Variants in TTC6 observed in about 807,000 individuals in gnomAD.
TTC6 encodes tetratricopeptide repeat protein 6.
Under a neutral mutation model 210.4 loss-of-function variants are expected in TTC6, and 172 were observed. The ratio of observed to expected loss-of-function variants is 0.82; its 90% CI spans 0.72 to 0.93. The LOEUF (loss-of-function observed/expected upper bound fraction) is 0.93, where lower values mean the gene tolerates loss of function less well. Among genes scored for constraint, TTC6 ranks in the 40% least tolerant of loss-of-function variants. The pLI, the probability that TTC6 is intolerant of heterozygous loss-of-function variation, is 0.00. For missense variants in TTC6, 2,414 were observed against 2,318.1 expected (o/e 1.04, Z -0.85); for synonymous variants, 804 against 819.6 (o/e 0.98, Z 0.32).
chr14:37,826,986 GTTT>G (rs1280074885), intron 28 of TTC6, among the ~76,000 whole-genome samples: 8 of 152,120 alleles, frequency 5.3e-5, no homozygotes, highest in Non-Finnish European at 1.0e-4. Flanking sequence ...AAGATTATTT[GTTT>G]TATTGCAACC....
chr14:37,729,509 G>A (rs1244321616), intron 7 of TTC6, among the ~76,000 whole-genome samples: 2 of 152,194 alleles, frequency 1.3e-5, no homozygotes, highest in Non-Finnish European at 2.9e-5. Context: ...CTGAGCACAA[G>A]GTGGTTGCTA....
upstream of TTC6, among the ~76,000 whole-genome samples, chr14:37,620,588 T>C (rs530145408): frequency 7.9e-5 from 12 of 152,326 alleles, no homozygotes; most frequent in Admixed American, 2.6e-4. Context: ...CCTGGCTTTG[T>C]GTAATGATCT....
chr14:37,614,556 T>C (rs2095639565), intron 2 of TTC6, among the ~76,000 whole-genome samples: 1 of 152,186 alleles, frequency 6.6e-6, no homozygotes, highest in Non-Finnish European at 1.5e-5. Context: ...AAGATTTAAA[T>C]TTCCTTCTGG....
rs996537022 is a variant in TTC6, at chr14:37,622,905, A to G, written c.841A>G (p.Ile281Val). The G allele has an allele frequency of 1.2e-5, 19 of 1,534,990 alleles. No homozygotes were observed. The African/African-American group carries it at 2.5e-4, about 20-fold the overall frequency. ...GATCCCCACGTCCATCGAAGAGATC[A>G]TCGCCTCTCTGCAGTCCGAGGCCCA... The change falls in exon 1 of 31, where the codon ATC (isoleucine) becomes GTC (valine). Residue 281 changes from isoleucine (I) to valine (V), a missense_variant. Coordinates refer to ENST00000553443, the Ensembl canonical transcript of TTC6.
chr14:37,629,632 T>C (rs1191164051), intron 1 of TTC6, among the ~76,000 whole-genome samples: 1 of 152,192 alleles, frequency 6.6e-6, no homozygotes, highest in Non-Finnish European at 1.5e-5. Context: ...GGCCAGAACT[T>C]CCAATACTAT....
At chr14:37,646,483 A>C (rs2095701977) in intron 1 of TTC6, among the ~76,000 whole-genome samples, 1 of 152,320 alleles carries the variant, frequency 6.6e-6, no homozygotes, top group South Asian at 2.1e-4. Context: ...AAAAGAAAGT[A>C]ATACAAGAAG....
At chr14:37,712,361 A>G (rs1410265532) in intron 5 of TTC6, among the ~76,000 whole-genome samples, 1 of 152,140 alleles carries the variant, frequency 6.6e-6, no homozygotes. Context: ...TATCTTAGAA[A>G]TACTTATTGA....
At chr14:37,788,743 A>G (rs529808911) in intron 15 of TTC6, among the ~76,000 whole-genome samples, 3 of 152,270 alleles carry the variant, frequency 2.0e-5, no homozygotes, top group East Asian at 1.9e-4. Flanking sequence ...TGTAACATCA[A>G]CACAAACCTG....
chr14:37,721,888 A>G (rs2095862620), intron 6 of TTC6, among the ~76,000 whole-genome samples: 1 of 143,540 alleles, frequency 7.0e-6, no homozygotes, highest in South Asian at 2.2e-4. Flanking sequence ...GTATATATAC[A>G]CACACACATA....
chr14:37,828,642 C>G lies in TTC6; in HGVS notation c.5298+1276C>G, dbSNP rs551085235. On this transcript the variant is annotated intron_variant, in intron 29 of 30. Coordinates refer to ENST00000553443, the Ensembl canonical transcript of TTC6. ...TTGACTAAAGAATAAATTAACAGAG[C>G]ATTTAACCAGATGGAAGGACATTTA... Among the ~76,000 whole-genome samples, 3 of 152,128 alleles carry G rather than the reference C, an allele frequency of 2.0e-5. No individual in the cohort carries two copies. In the South Asian group the frequency reaches 6.2e-4, roughly 31 times the overall value.
At chr14:37,632,846 G>A (rs1213921469) in intron 1 of TTC6, among the ~76,000 whole-genome samples, 3 of 152,220 alleles carry the variant, frequency 2.0e-5, no homozygotes, top group African/African-American at 7.2e-5. Context: ...AGGCAGTCTG[G>A]CTACAGCCAA....
chr14:37,779,537 T>G (rs2096048250), intron 14 of TTC6, among the ~76,000 whole-genome samples: 1 of 152,238 alleles, frequency 6.6e-6, no homozygotes, highest in South Asian at 2.1e-4. Context: ...AGCATTTGAC[T>G]ACTTTTTAAA....
At chr14:37,653,844 C>T (rs1386496829) in intron 1 of TTC6, among the ~76,000 whole-genome samples, 2 of 152,098 alleles carry the variant, frequency 1.3e-5, no homozygotes, top group Non-Finnish European at 2.9e-5. Flanking sequence ...TTAAGGTACA[C>T]CTTTTTTATT....
exon 22 of TTC6, chr14:37,806,494 A>C: frequency 5.9e-6 from 9 of 1,531,822 alleles, no homozygotes; most frequent in Non-Finnish European, 7.9e-6. Flanking sequence ...ATTACCCTCA[A>C]TCCAAAACAT....
chr14:37,721,942 T>A lies in TTC6; in HGVS notation c.1714-2956T>A, dbSNP rs575866335. Reference sequence around the variant, plus strand: ...TATATATATATACATATATATATATTTTTTCCCCCTCAGTGCAAATGTTAA... The same window carrying A: ...TATATATATATACATATATATATATATTTTCCCCCTCAGTGCAAATGTTAA... On this transcript the variant is annotated intron_variant, in intron 6 of 30. Transcript: ENST00000553443. Among the ~76,000 whole-genome samples the A allele has an allele frequency of 5.5e-5, 8 of 146,028 alleles. No homozygotes were observed. In the East Asian group the frequency reaches 6.0e-4, roughly 11 times the overall value.
chr14:37,750,381 G>A (rs2095948169), intron 12 of TTC6, among the ~76,000 whole-genome samples: 1 of 152,092 alleles, frequency 6.6e-6, no homozygotes, highest in Non-Finnish European at 1.5e-5. Context: ...AATGATTTTT[G>A]ACCTGTGTTG....
intron 14 of TTC6, among the ~76,000 whole-genome samples, chr14:37,772,126 G>T (rs1326909021): frequency 6.6e-6 from 1 of 152,162 alleles, no homozygotes; most frequent in Non-Finnish European, 1.5e-5. Context: ...GGGGATCAGG[G>T]GTCAGGGACC....
intron 14 of TTC6, among the ~76,000 whole-genome samples, chr14:37,759,144 T>C (rs1377174378): frequency 6.6e-6 from 1 of 151,406 alleles, no homozygotes; most frequent in Non-Finnish European, 1.5e-5. Flanking sequence ...ATGCCTATAG[T>C]CCCAGGTACT....
At chr14:37,751,730 A>C (rs374086955) in intron 13 of TTC6, among the ~76,000 whole-genome samples, 1 of 151,648 alleles carries the variant, frequency 6.6e-6, no homozygotes. Context: ...ATATTAAGGC[A>C]TTGTTACAAA....
Sources: gnomAD v4.1 joint callset for allele counts (sites outside exome capture counted in the v4.1 genomes callset) on GRCh38, gnomAD v4.1.1 for gene constraint, MANE v1.5 for transcripts, NCBI Gene and HGNC (gene_info 2026-07-23, HGNC 2026-07-21) for gene names.